The following MS4A5 variants were observed in gnomAD, a reference collection of about 807,000 sequenced individuals.
MS4A5 encodes the protein membrane-spanning 4-domains subfamily A member 5.
MS4A5 carries 15 observed loss-of-function variants against 18.2 expected under a neutral mutation model. That is an observed-to-expected ratio of 0.83 (90% CI 0.55 to 1.27). MS4A5 has a LOEUF of 1.27. Ranked by LOEUF, MS4A5 falls within the 50% of genes most tolerant of loss-of-function variation. The pLI, the probability that MS4A5 is intolerant of heterozygous loss-of-function variation, is 0.00. For synonymous variants in MS4A5, 89 were observed against 78.7 expected (o/e 1.13, Z -0.69); for missense variants, 232 against 225.7 (o/e 1.03, Z -0.18).
chr11:60,446,771 G>A (rs2086140532), intron 4 of MS4A5, among the ~76,000 whole-genome samples: 3 of 150,750 alleles, frequency 2.0e-5, no homozygotes, highest in South Asian at 4.2e-4. Context: ...CCAAAAAAAC[G>A]GTGAACTACT....
At chr11:60,447,366 T>A (rs373611625) in intron 4 of MS4A5, among the ~76,000 whole-genome samples, 7 of 134,896 alleles carry the variant, frequency 5.2e-5, no homozygotes, top group African/African-American at 1.7e-4. Context: ...TATGCTATGC[T>A]ATGCAATGCA....
At position 60,435,507 on chromosome 11, in the gene MS4A5, C is replaced by T. The variant is rs1030156265; in HGVS notation, c.492+1590C>T. 5 of 395,174 alleles carry T rather than the reference C, an allele frequency of 1.3e-5. No individual in the cohort carries two copies. The Admixed American group carries it at 1.7e-4, about 13-fold the overall frequency. The allele number at this position is 395,174 out of a possible 1,614,324, so 24.5% of individuals were successfully genotyped here. On this transcript the variant is annotated intron_variant, in intron 4 of 4. Transcript: ENST00000300190. ...CAGAAGACGGGTGATTTCTGCATTT[C>T]CATCTGAGGTACCCGGTTCATCTCA...
In MS4A5 at chr11:60,430,779, T is replaced by C. The variant is rs746350654; in HGVS notation, c.154-17T>C. ...CACTTTGCTTTTCCTCACCATGACT[T>C]TTTCCTCTATTTGCAGACTATCCAG... On this transcript the variant is annotated splice_polypyrimidine_tract_variant and intron_variant, in intron 1 of 4. Transcript: ENST00000300190. 8.7e-6 allele frequency: 14 copies of C among 1,608,416 alleles called. No individual in the cohort carries two copies. Among genetic ancestry groups the C allele is most frequent in the Non-Finnish European group, 8.5e-7 (1 of 1,179,172 alleles).
intron 4 of MS4A5, chr11:60,435,522 G>C: frequency 2.6e-6 from 1 of 382,570 alleles, no homozygotes; most frequent in South Asian, 2.0e-5. Context: ...TGAGGTACCC[G>C]GTTCATCTCA....
intron 4 of MS4A5, chr11:60,435,443 A>G (rs1384844034): frequency 9.2e-6 from 4 of 437,156 alleles, no homozygotes; most frequent in African/African-American, 4.1e-5. Context: ...ATGGCCAAAT[A>G]GGAACAGCTC....
At chr11:60,432,753 G>A (rs114805987) in intron 3 of MS4A5, among the ~76,000 whole-genome samples, 1,674 of 137,006 alleles carry the variant, frequency 0.012, 10 homozygotes, top group Non-Finnish European at 0.013. Flanking sequence ...CCTGGGCAAC[G>A]GAAAAGACTC....
chr11:60,429,899 A>G, intron 1 of MS4A5, 72 bp downstream of exon 1: 2 of 1,433,538 alleles, frequency 1.4e-6, no homozygotes, highest in Non-Finnish European at 1.9e-6. Flanking sequence ...CTGTTGGCAC[A>G]TGTTTGAAGG....
rs78731820 is a variant in MS4A5, at chr11:60,432,436, T to C, written c.308T>C (p.Ile103Thr). The change falls in exon 3 of 5, where the codon ATT becomes ACT. Residue 103 changes from isoleucine to threonine, a missense_variant. By Grantham distance (89) the Ile-to-Thr change is moderately conservative. Coordinates refer to ENST00000300190, the MANE Select transcript of MS4A5 (RefSeq NM_023945.3). ...TTCATTAATTCTGGAGCCTTCCTAA[T>C]TGCAGTGAAAAGAAAAACCACAGAA... is the stretch of plus-strand genomic sequence containing the variant. ...VLFINSGAFL[I>T]AVKRKTTETL... The C allele has an allele frequency of 2.7e-3, 4,226 of 1,594,116 alleles. 99 individuals carry two copies. The African/African-American group carries it at 0.05, about 19-fold the overall frequency.
intron 4 of MS4A5, among the ~76,000 whole-genome samples, chr11:60,441,445 A>G (rs1441513543): frequency 8.0e-6 from 1 of 124,360 alleles, no homozygotes; most frequent in African/African-American, 2.9e-5. Flanking sequence ...AAAGAAAAAG[A>G]AAAAGGCCAT....
At position 60,446,258 on chromosome 11, in the gene MS4A5, G is replaced by A. The variant is rs115448524; in HGVS notation, c.493-1391G>A. 2.4e-3 allele frequency among the ~76,000 whole-genome samples: 358 copies of A among 152,268 alleles called. 2 individuals carry two copies. Among genetic ancestry groups the A allele is most frequent in the African/African-American group, 8.4e-3 (349 of 41,562 alleles). On this transcript the variant is annotated intron_variant, in intron 4 of 4. Transcript: ENST00000300190. The stretch of plus-strand genomic sequence containing the variant: ...ATATAGTAGACAAATAAGGCTTCAG[G>A]AGAGGATGTTAACCATATTAACCTT...
chr11:60,436,002 G>A (rs2086078159), intron 4 of MS4A5, among the ~76,000 whole-genome samples: 2 of 152,214 alleles, frequency 1.3e-5, no homozygotes, highest in African/African-American at 4.8e-5. Flanking sequence ...CAAAAAGACA[G>A]CAGTAACCTC....
At chr11:60,431,895 G>A (rs2086050248) in intron 2 of MS4A5, among the ~76,000 whole-genome samples, 4 of 152,138 alleles carry the variant, frequency 2.6e-5, no homozygotes, top group Admixed American at 2.6e-4. Flanking sequence ...ATTTAAACAT[G>A]GAAGTGCTGT....
intron 4 of MS4A5, among the ~76,000 whole-genome samples, chr11:60,434,183 T>TAA (rs58957410): frequency 6.8e-6 from 1 of 147,086 alleles, no homozygotes; most frequent in African/African-American, 2.5e-5. Flanking sequence ...AATATAAATC[T>TAA]AAAAAAAAAA....
At chr11:60,431,904 G>T (rs2086050350) in intron 2 of MS4A5, among the ~76,000 whole-genome samples, 1 of 152,202 alleles carries the variant, frequency 6.6e-6, no homozygotes, top group Non-Finnish European at 1.5e-5. Context: ...TGGAAGTGCT[G>T]TAATCAGATT....
chr11:60,429,898 C>A, intron 1 of MS4A5, 71 bp downstream of exon 1: 1 of 1,448,448 alleles, frequency 6.9e-7, no homozygotes. Flanking sequence ...TCTGTTGGCA[C>A]ATGTTTGAAG....
At chr11:60,432,841 T>A (rs185907678) in intron 3 of MS4A5, among the ~76,000 whole-genome samples, 4 of 152,054 alleles carry the variant, frequency 2.6e-5, no homozygotes, top group African/African-American at 9.7e-5. Flanking sequence ...TATATAACTT[T>A]CAAATAATTT....
chr11:60,435,923 T>C (rs943188549), intron 4 of MS4A5, among the ~76,000 whole-genome samples: 1 of 152,180 alleles, frequency 6.6e-6, no homozygotes, highest in Admixed American at 6.5e-5. Context: ...ACTGGGTGGA[T>C]CCCACGACAG....
intron 1 of MS4A5, 32 bp downstream of exon 1, chr11:60,429,859 C>T (rs376571958): frequency 5.6e-6 from 9 of 1,595,838 alleles, no homozygotes; most frequent in Non-Finnish European, 6.8e-6. Context: ...GTATATTTTA[C>T]TGAGGCAGGG....
In MS4A5 at chr11:60,433,640, C is replaced by G. The variant is rs1001412934; in HGVS notation, c.340-125C>G. 5 of 863,474 alleles carry G rather than the reference C, an allele frequency of 5.8e-6. No homozygotes were observed. The Admixed American group carries it at 1.2e-4, about 20-fold the overall frequency. 53.5% of individuals were successfully genotyped at this position (863,474 alleles called of 1,614,324 possible). ...ATGTGAAGCAATTCGCACAGGATCA[C>G]AGAGCTGCCTCGTGGCATTAAGATG... On this transcript the variant is annotated intron_variant, in intron 3 of 4. Transcript: ENST00000300190.
Sources: gnomAD v4.1 joint callset for allele counts (sites outside exome capture counted in the v4.1 genomes callset) on GRCh38, gnomAD v4.1.1 for gene constraint, MANE v1.5 for transcripts, NCBI Gene and HGNC (gene_info 2026-07-23, HGNC 2026-07-21) for gene names.